NEGR1: variants seen among roughly 807,000 people sequenced by gnomAD.
NEGR1 encodes the protein IgLON family member 4.
Under a neutral mutation model 40.9 loss-of-function variants are expected in NEGR1, and 10 were observed. The observed-to-expected ratio is 0.24, with a 90% CI of 0.15 to 0.42. The LOEUF (loss-of-function observed/expected upper bound fraction) is 0.42. Among genes scored for constraint, NEGR1 ranks in the 10% least tolerant of loss-of-function variants. The probability of loss-of-function intolerance (pLI) is 1.00; values close to 1 mark genes in which losing one functional copy is unlikely to be tolerated. For missense variants in NEGR1, 352 were observed against 438.9 expected (o/e 0.80, Z 1.77); for synonymous variants, 185 against 166.8 (o/e 1.11, Z -0.84).
At chr1:72,123,958 A>T (rs1255969568) in intron 1 of NEGR1, among the ~76,000 whole-genome samples, 1 of 152,032 alleles carries the variant, frequency 6.6e-6, no homozygotes, top group Non-Finnish European at 1.5e-5. Context: ...CAGCCACTTT[A>T]AGCAATAATG....
chr1:71,426,465 G>A (rs1646429153), intron 6 of NEGR1, among the ~76,000 whole-genome samples: 2 of 152,276 alleles, frequency 1.3e-5, no homozygotes, highest in South Asian at 4.1e-4. Flanking sequence ...AAGTCACGAT[G>A]ACAAATCAGC....
At chr1:71,497,233 C>A (rs1348194351) in intron 6 of NEGR1, among the ~76,000 whole-genome samples, 1 of 152,080 alleles carries the variant, frequency 6.6e-6, no homozygotes, top group East Asian at 1.9e-4. Flanking sequence ...AAAAGAGAAA[C>A]TACCTTTTCT....
At chr1:71,935,008 A>G (rs1421196222) in intron 2 of NEGR1, 71 bp downstream of exon 2, 4 of 874,894 alleles carry the variant, frequency 4.6e-6, no homozygotes, top group Non-Finnish European at 7.4e-6. Flanking sequence ...CTTCCTAGTC[A>G]TTTTGATACC....
intron 3 of NEGR1, among the ~76,000 whole-genome samples, chr1:71,775,803 C>T (rs1014314184): frequency 5.3e-5 from 8 of 151,908 alleles, no homozygotes; most frequent in African/African-American, 1.9e-4. Context: ...GCCAACCTGG[C>T]CAACATGGTA....
chr1:72,097,020 T>A (rs2100234965), intron 1 of NEGR1, among the ~76,000 whole-genome samples: 1 of 152,250 alleles, frequency 6.6e-6, no homozygotes, highest in Admixed American at 6.5e-5. Context: ...ACTAGATAAA[T>A]ATTTTGCACT....
chr1:71,462,118 T>C (rs1646718284), intron 6 of NEGR1, among the ~76,000 whole-genome samples: 1 of 152,208 alleles, frequency 6.6e-6, no homozygotes, highest in South Asian at 2.1e-4. Context: ...GAGTAGTAGA[T>C]AATTGCATCT....
At chr1:72,227,916 T>C (rs1174425745) in intron 1 of NEGR1, among the ~76,000 whole-genome samples, 1 of 152,106 alleles carries the variant, frequency 6.6e-6, no homozygotes, top group African/African-American at 2.4e-5. Flanking sequence ...CTTCTTCTAT[T>C]ATGGTGTTTC....
Position 72,251,360 on chromosome 1 carries a change from A to C in NEGR1, c.176+30959T>G, listed in dbSNP as rs545752405. The stretch of plus-strand genomic sequence containing the variant: ...ACGAATCATATCCATTACAAAAATT[A>C]AATTAGTATAAACATTAATAGATAA... On this transcript the variant is annotated intron_variant, in intron 1 of 6. Coordinates refer to ENST00000357731, the MANE Select transcript of NEGR1 (RefSeq NM_173808.3). Among the ~76,000 whole-genome samples, 3 of 152,356 alleles carry C rather than the reference A, an allele frequency of 2.0e-5. No individual in the cohort carries two copies. In the South Asian group the frequency reaches 6.2e-4, roughly 32 times the overall value.
At chr1:72,007,133 A>T (rs1646614873) in intron 1 of NEGR1, among the ~76,000 whole-genome samples, 1 of 152,102 alleles carries the variant, frequency 6.6e-6, no homozygotes, top group African/African-American at 2.4e-5. Context: ...TTTTTTCAAA[A>T]AAAGGAGGTG....
At chr1:72,012,856 T>TAC (rs1553130332) in intron 1 of NEGR1, among the ~76,000 whole-genome samples, 55 of 135,190 alleles carry the variant, frequency 4.1e-4, no homozygotes, top group Admixed American at 7.6e-4. Flanking sequence ...TATATATATA[T>TAC]ACACACACAC....
Position 71,935,203 on chromosome 1 carries a change from T to C in NEGR1, c.285A>G (p.Thr95=). 3 of 1,613,822 alleles carry C rather than the reference T, an allele frequency of 1.9e-6. No homozygotes were observed. Among genetic ancestry groups the C allele is most frequent in the Non-Finnish European group, 2.5e-6 (3 of 1,179,758 alleles). The part of the protein sequence containing the change: ...WSVDPRVSIS[T]LNKRDYSLQI... ...GGAGGCTGTAGTCCCTTTTATTCAATGTTGAAATTGAAACTCGAGGATCCA... is the reference window on the plus strand; with the variant it reads ...GGAGGCTGTAGTCCCTTTTATTCAACGTTGAAATTGAAACTCGAGGATCCA... Residue 95 remains threonine (T), a synonymous_variant, in exon 2 of 7, where the codon ACA becomes ACG. Coordinates refer to ENST00000357731, the MANE Select transcript of NEGR1 (RefSeq NM_173808.3).
At chr1:72,212,407 C>T (rs890270938) in intron 1 of NEGR1, among the ~76,000 whole-genome samples, 10 of 151,886 alleles carry the variant, frequency 6.6e-5, no homozygotes, top group African/African-American at 2.2e-4. Context: ...CAAATTAAAA[C>T]ATTGGCTGGA....
intron 6 of NEGR1, among the ~76,000 whole-genome samples, chr1:71,439,516 C>T (rs187734089): frequency 3.3e-5 from 5 of 152,140 alleles, no homozygotes; most frequent in Non-Finnish European, 7.4e-5. Flanking sequence ...GCACATGCCA[C>T]TAAACTCAGC....
chr1:72,200,629 C>A (rs936053477), intron 1 of NEGR1, among the ~76,000 whole-genome samples: 2 of 151,726 alleles, frequency 1.3e-5, no homozygotes, highest in East Asian at 3.9e-4. Flanking sequence ...GTACATGTAC[C>A]CCCAAACCTA....
intron 2 of NEGR1, among the ~76,000 whole-genome samples, chr1:71,894,357 T>C (rs12039773): frequency 0.21 from 31,757 of 151,844 alleles, 3,643 homozygotes; most frequent in East Asian, 0.5. Flanking sequence ...GGGAACCACA[T>C]TGAAACAGGA....
At chr1:71,792,414 G>A (rs143571975) in intron 2 of NEGR1, among the ~76,000 whole-genome samples, 211 of 152,188 alleles carry the variant, frequency 1.4e-3, no homozygotes, top group African/African-American at 4.6e-3. Flanking sequence ...GATGAGTAAC[G>A]TAAGAGCCCT....
At chr1:71,734,204 A>G (rs1654975502) in intron 3 of NEGR1, among the ~76,000 whole-genome samples, 1 of 152,190 alleles carries the variant, frequency 6.6e-6, no homozygotes, top group Non-Finnish European at 1.5e-5. Context: ...AGGACCGGCA[A>G]TTACTGGCTG....
chr1:71,977,565 A>G (rs959060314), intron 1 of NEGR1, among the ~76,000 whole-genome samples: 3 of 152,080 alleles, frequency 2.0e-5, no homozygotes, highest in African/African-American at 7.2e-5. Context: ...AATCTAAAAG[A>G]TTTTCATTTG....
chr1:71,474,281 A>ATGTGTGTC (rs1553144574), intron 6 of NEGR1, among the ~76,000 whole-genome samples: 3 of 143,530 alleles, frequency 2.1e-5, no homozygotes, highest in African/African-American at 7.8e-5. Context: ...AAACAGGAAA[A>ATGTGTGTC]TGTGTGTGTG....
Sources: allele counts gnomAD v4.1 joint callset (sites outside exome capture counted in the v4.1 genomes callset), GRCh38; gene constraint gnomAD v4.1.1; transcripts MANE v1.5; gene names NCBI Gene and HGNC (gene_info 2026-07-23, HGNC 2026-07-21).